The following SI variants were observed in gnomAD, a reference collection of about 807,000 sequenced individuals.
SI encodes sucrase-isomaltase, intestinal.
In SI, 235 loss-of-function variants were observed where a neutral mutation model predicts 253.3. That is an observed-to-expected ratio of 0.93 (90% CI 0.83 to 1.03). The LOEUF is 1.03. Among genes scored for constraint, SI ranks in the 50% least tolerant of loss-of-function variants. The pLI is 0.00. For missense variants in SI, 2,442 were observed against 2,211.1 expected (o/e 1.10, Z -2.09); for synonymous variants, 819 against 712.0 (o/e 1.15, Z -2.39).
chr3:165,084,455 G>T, the SI span, among the ~76,000 whole-genome samples: 1 of 151,868 alleles, frequency 6.6e-6, no homozygotes, highest in Non-Finnish European at 1.5e-5. Context: ...GAAGCAAATT[G>T]ACAAAACAAA....
At chr3:165,036,597 G>T in intron 21 of SI, 120 bp from the exon 22 acceptor site, 1 of 636,812 alleles carries the variant, frequency 1.6e-6, no homozygotes, top group Non-Finnish European at 2.8e-6. Context: ...TAAGGACATT[G>T]ACATCAATAA....
rs1402731816 is a variant in SI, at chr3:165,038,004, C to A, written c.2322G>T (p.Arg774Ser). The A allele has an allele frequency of 1.3e-6, 2 of 1,599,390 alleles. No individual in the cohort carries two copies. The highest frequency in any genetic ancestry group is 4.5e-5 in the East Asian group (2 of 44,564). Residue 774 changes from arginine (R) to serine (S), a missense_variant, in exon 21 of 48, where the codon AGG becomes AGT. Arg to Ser is a moderately radical substitution (Grantham distance 110, BLOSUM62 -1). Coordinates refer to ENST00000264382, the MANE Select transcript of SI (RefSeq NM_001041.4). Reference protein sequence around the residue: ...DYESGAKRPWRKQRVDMYLPA... With the variant: ...DYESGAKRPWSKQRVDMYLPA... ...GAAGATACATATCAACCCGTTGTTTCCTCCATGGCCTTTTTGCACCCTAAT... is the reference window on the plus strand; with the variant it reads ...GAAGATACATATCAACCCGTTGTTTACTCCATGGCCTTTTTGCACCCTAAT...
intron 1 of SI, 55 bp from the exon 2 acceptor site, chr3:165,076,067 C>T: frequency 8.3e-7 from 1 of 1,207,308 alleles, no homozygotes; most frequent in African/African-American, 1.5e-5. Flanking sequence ...CTATAATAAA[C>T]CACCAACAAT....
upstream of SI, among the ~76,000 whole-genome samples, chr3:165,082,802 C>G (rs1329659327): frequency 6.6e-6 from 1 of 151,932 alleles, no homozygotes; most frequent in Non-Finnish European, 1.5e-5. Flanking sequence ...TCAAAGCTCA[C>G]CAGTCAAAGT....
chr3:165,049,454 G>T (rs1713316712), intron 14 of SI, among the ~76,000 whole-genome samples: 1 of 151,952 alleles, frequency 6.6e-6, no homozygotes, highest in African/African-American at 2.4e-5. Flanking sequence ...TTAACTATTA[G>T]ATTTATATTT....
rs1560003266 is a variant in SI, at chr3:165,041,087, T to C, written c.2012A>G (p.Asp671Gly). The C allele has an allele frequency of 6.2e-7, 1 of 1,612,486 alleles. No individual in the cohort carries two copies. Among genetic ancestry groups the C allele is most frequent in the Non-Finnish European group, 8.5e-7 (1 of 1,179,028 alleles). ...NHNSDGYEHQ[D>G]PAFFGQNSLL... is the part of the protein sequence containing the mutation. ...TGAATTCTGCCCAAAAAATGCAGGA[T>C]CCTGATGCTGTGAGATAGAAAGAGA... Residue 671 changes from aspartate (D) to glycine (G), a missense_variant, in exon 18 of 48, where the codon GAT (aspartate) becomes GGT (glycine). Coordinates refer to ENST00000264382, the MANE Select transcript of SI (RefSeq NM_001041.4).
In SI at chr3:165,074,660, A is replaced by C. The variant is rs768538979; in HGVS notation, c.126T>G (p.Ser42Arg). 3 of 1,609,244 alleles carry C rather than the reference A, an allele frequency of 1.9e-6. No individual in the cohort carries two copies. The highest frequency in any genetic ancestry group is 2.5e-6 in the Non-Finnish European group (3 of 1,176,544). Residue 42 changes from serine to arginine, a missense_variant, in exon 3 of 48, where the codon AGT (serine) becomes AGG (arginine). Physicochemically the swap from Ser to Arg is moderately radical, Grantham distance 110. Coordinates refer to ENST00000264382, the MANE Select transcript of SI (RefSeq NM_001041.4). ...TAGTAGCTGGAGTTGAAGTAGAATC[A>C]CTAATTTCTGGGGGAGGAAAAAACT... ...ATKTPAVDEI[S>R]DSTSTPATTR... is the part of the protein sequence containing the mutation.
chr3:165,066,205 A>G (rs746123852), intron 6 of SI, among the ~76,000 whole-genome samples: 7 of 152,146 alleles, frequency 4.6e-5, no homozygotes, highest in Middle Eastern at 3.4e-3. Context: ...AAATGATTTA[A>G]GTATACAAGA....
At chr3:165,003,134 ATTTAT>A (rs1410315270) in intron 37 of SI, among the ~76,000 whole-genome samples, 4 of 151,866 alleles carry the variant, frequency 2.6e-5, no homozygotes. Flanking sequence ...ATAATGATGA[ATTTAT>A]TTAAATTTAC....
intron 26 of SI, among the ~76,000 whole-genome samples, 176 bp downstream of exon 26, chr3:165,023,394 T>A (rs1490651902): frequency 6.6e-6 from 1 of 151,530 alleles, no homozygotes; most frequent in Non-Finnish European, 1.5e-5. Flanking sequence ...AATGAGCAGT[T>A]TCATTTATTG....
chr3:165,038,724 C>G (rs912289089), intron 20 of SI, among the ~76,000 whole-genome samples: 1 of 151,830 alleles, frequency 6.6e-6, no homozygotes, highest in Non-Finnish European at 1.5e-5. Flanking sequence ...GCTCAGTACT[C>G]AAGTCTTCTG....
chr3:165,059,940 CT>C lies in SI; in HGVS notation c.1107del (p.Glu370LysfsTer3). ...RWNYKSLDVV[K>X]EVVRRNREAG... ...GCTTCCCGGTTTCTCCTTACCACTT[CT>C]TTCACTACATCTAGTGACTTATAAT... On this transcript the variant is annotated frameshift_variant, in exon 10 of 48. Transcript: ENST00000264382. LOFTEE classifies it high-confidence loss of function. The C allele has an allele frequency of 6.2e-7, 1 of 1,612,154 alleles. No individual in the cohort carries two copies. Among genetic ancestry groups the C allele is most frequent in the Non-Finnish European group, 8.5e-7 (1 of 1,178,650 alleles).
chr3:165,051,243 G>A (rs749551233), intron 13 of SI, among the ~76,000 whole-genome samples: 1 of 151,936 alleles, frequency 6.6e-6, no homozygotes, highest in African/African-American at 2.4e-5. Flanking sequence ...ATAAAAAGAA[G>A]CTAAGGAAAT....
At position 165,039,898 on chromosome 3, in the gene SI, C is replaced by T; in HGVS notation, c.2233G>A (p.Val745Ile). 1 of 1,611,598 alleles carries T rather than the reference C, an allele frequency of 6.2e-7. No individual in the cohort carries two copies. Among genetic ancestry groups the T allele is most frequent in the East Asian group, 2.2e-5 (1 of 44,782 alleles). The change falls in exon 19 of 48, where the codon GTT becomes ATT. Residue 745 changes from valine to isoleucine, a missense_variant. Transcript: ENST00000264382. ...LWGPALLITPVLKQGADTVSA... is the reference protein window; with the variant it reads ...LWGPALLITPILKQGADTVSA... ...CCTGTAGAGCCTACCTGTTTTAGAA[C>T]AGGAGTAATAAGTAATGCAGGGCCC...
intron 33 of SI, among the ~76,000 whole-genome samples, chr3:165,013,587 T>C (rs1006726106): frequency 1.3e-5 from 2 of 152,078 alleles, no homozygotes; most frequent in Non-Finnish European, 2.9e-5. Flanking sequence ...CCTTCTACTC[T>C]GACCAGAAAC....
intron 26 of SI, among the ~76,000 whole-genome samples, chr3:165,022,104 C>T (rs1711653064): frequency 6.6e-6 from 1 of 151,430 alleles, no homozygotes; most frequent in African/African-American, 2.4e-5. Flanking sequence ...TTAGTTTCTT[C>T]TGTTAAATAT....
intron 15 of SI, 72 bp from the exon 16 acceptor site, chr3:165,047,084 T>A: frequency 8.1e-7 from 1 of 1,239,868 alleles, no homozygotes; most frequent in Non-Finnish European, 1.1e-6. Flanking sequence ...TTCTAAAATT[T>A]CATAATTCCA....
At chr3:165,048,580 TATATAG>T (rs1427470961) in intron 15 of SI, among the ~76,000 whole-genome samples, 118 of 109,840 alleles carry the variant, frequency 1.1e-3, no homozygotes, top group African/African-American at 3.4e-3. Context: ...TATATATATA[TATATAG>T]AGAGAGAGAG....
upstream of SI, among the ~76,000 whole-genome samples, chr3:165,082,615 C>A (rs1715374037): frequency 6.6e-6 from 1 of 151,970 alleles, no homozygotes; most frequent in Non-Finnish European, 1.5e-5. Flanking sequence ...CTTAGCTTGT[C>A]TCATATTAAA....
Sources: allele counts gnomAD v4.1 joint callset (sites outside exome capture counted in the v4.1 genomes callset), GRCh38; gene constraint gnomAD v4.1.1; transcripts MANE v1.5; gene names NCBI Gene and HGNC (gene_info 2026-07-23, HGNC 2026-07-21).